The following ZNF799 variants were observed in gnomAD, a reference collection of about 807,000 sequenced individuals.
The protein encoded by ZNF799 is zinc finger protein 14.
ZNF799 carries 28 observed loss-of-function variants against 41.0 expected under a neutral mutation model. The ratio of observed to expected loss-of-function variants is 0.68; its 90% confidence interval spans 0.51 to 0.94. The LOEUF is 0.94. ZNF799 is among the 40% of genes least tolerant of loss of function. The pLI, the probability that ZNF799 is intolerant of heterozygous loss-of-function variation, is 0.00. For synonymous variants in ZNF799, 213 were observed against 252.9 expected (o/e 0.84, Z 1.50); for missense variants, 716 against 764.3 (o/e 0.94, Z 0.74).
chr19:12,390,634 A>C lies in ZNF799; in HGVS notation c.1764T>G (p.Tyr588Ter), dbSNP rs1969793302. Residue 588 changes from tyrosine (Y) to a stop codon, truncating the protein, a stop_gained, in exon 4 of 4, where the codon TAT becomes TAG. Coordinates refer to ENST00000430385, the MANE Select transcript of ZNF799 (RefSeq NM_001080821.3). LOFTEE classifies it high-confidence loss of function. ...ATGCTTTCCCACATTCCTTACATTCATACGGGTTCTCTCCAGTATGAGTTT... is the reference window on the plus strand; with the variant it reads ...ATGCTTTCCCACATTCCTTACATTCCTACGGGTTCTCTCCAGTATGAGTTT... ...HEKTHTGENP[Y>*]ECKECGKAFA... The C allele has an allele frequency of 6.2e-7, 1 of 1,613,822 alleles. No individual in the cohort carries two copies. Among genetic ancestry groups the C allele is most frequent in the South Asian group, 1.1e-5 (1 of 91,068 alleles).
At chr19:12,408,058 A>C in the ZNF799 span, among the ~76,000 whole-genome samples, 1 of 152,116 alleles carries the variant, frequency 6.6e-6, no homozygotes, top group Non-Finnish European at 1.5e-5. Context: ...CGGGAGGCTG[A>C]GGCAGTGGGA....
At chr19:12,394,966 CT>C (rs1173003741) in intron 1 of ZNF799, 24 of 822,732 alleles carry the variant, frequency 2.9e-5, no homozygotes, top group Non-Finnish European at 3.4e-5. Context: ...TTTATTTGTC[CT>C]TGGCCCAATC....
At chr19:12,399,577 TG>T (rs34707911) in intron 1 of ZNF799, among the ~76,000 whole-genome samples, 2,853 of 148,132 alleles carry the variant, frequency 0.019, 139 homozygotes, top group African/African-American at 0.07. Context: ...GGCTGTCCCC[TG>T]GGAGGAGTGA....
Position 12,390,879 on chromosome 19 carries a change from T to C in ZNF799, c.1519A>G (p.Asn507Asp), listed in dbSNP as rs1336486964. Reference protein sequence around the residue: ...THTGEKPYECNTCKKAFSHFG... With the variant: ...THTGEKPYECDTCKKAFSHFG... ...TGACTGAAGGCTTTCTTACATGTGT[T>C]ACACTCATAAGGTTTCTCTCCTGTG... Residue 507 changes from asparagine to aspartate, a missense_variant, in exon 4 of 4, where the codon AAC becomes GAC. Around this residue, in one of 2 missense-constraint regions of ZNF799, gnomAD observed 698 missense variants for 713.6 expected, o/e 0.98. Coordinates refer to ENST00000430385, the MANE Select transcript of ZNF799 (RefSeq NM_001080821.3). 1.5e-5 allele frequency: 25 copies of C among 1,614,004 alleles called. No homozygotes were observed. Among genetic ancestry groups the C allele is most frequent in the Non-Finnish European group, 2.1e-5 (25 of 1,180,002 alleles).
In ZNF799 at chr19:12,401,112, C is replaced by G. The variant is rs755336143; in HGVS notation, c.-42G>C. 6.2e-7 allele frequency: 1 copy of G among 1,613,528 alleles called. No homozygotes were observed. Among genetic ancestry groups the G allele is most frequent in the Non-Finnish European group, 8.5e-7 (1 of 1,179,766 alleles). The stretch of plus-strand genomic sequence containing the variant: ...TGTCCCAGGTCCTCCGGACGGCTCC[C>G]GCTGCCAATGCGGGTTCCCGCGGGA... On this transcript the variant is annotated 5_prime_UTR_variant, in exon 1 of 4. Coordinates refer to ENST00000430385, the MANE Select transcript of ZNF799 (RefSeq NM_001080821.3).
chr19:12,402,062 G>C (rs3979153), upstream of ZNF799, among the ~76,000 whole-genome samples: 150,382 of 152,274 alleles, frequency 0.99, 74,329 homozygotes, highest in Non-Finnish European at 1. Context: ...TTCCCAGCCT[G>C]TGGTAACCAT....
rs1266339679 is a variant in ZNF799, at chr19:12,400,837, C to T, written c.3+231G>A. On this transcript the variant is annotated intron_variant, in intron 1 of 3. Coordinates refer to ENST00000430385, the MANE Select transcript of ZNF799 (RefSeq NM_001080821.3). ...CGCGAGGCTGCGGGCGCGGAGCTGC[C>T]CAGAGAGGGCGCCGGGGCCGCAGTC... 1.4e-4 allele frequency: 94 copies of T among 682,490 alleles called. 2 individuals carry two copies. In the South Asian group the frequency reaches 1.8e-3, roughly 13 times the overall value. The allele number at this position is 682,490 out of a possible 1,614,324, so 42.3% of individuals were successfully genotyped here. A position where few individuals can be genotyped will look rare whatever the true frequency, so the allele number is the denominator to read the frequency against.
intron 1 of ZNF799, chr19:12,395,263 T>A (rs955639095): frequency 1.3e-5 from 2 of 150,194 alleles, no homozygotes; most frequent in African/African-American, 4.9e-5. Context: ...AGCCTCAGCC[T>A]CCTGAGTAGC....
At chr19:12,397,215 G>A (rs994743111) in intron 1 of ZNF799, among the ~76,000 whole-genome samples, 4 of 152,194 alleles carry the variant, frequency 2.6e-5, no homozygotes, top group African/African-American at 9.6e-5. Context: ...AGGTCCATTT[G>A]TTGTGAATGG....
At chr19:12,398,258 CAAAAAAAAAAAAAAA>C in intron 1 of ZNF799, 1 of 75,454 alleles carries the variant, frequency 1.3e-5, no homozygotes, top group Non-Finnish European at 2.9e-5. Context: ...GACGCTGTCT[CAAAAAAAAAAAAAAA>C]AAAAAAAAAT....
chr19:12,394,954 C>T (rs1599606961), intron 1 of ZNF799: 1 of 891,298 alleles, frequency 1.1e-6, no homozygotes, highest in East Asian at 1.2e-4. Context: ...TCTTGTGGAG[C>T]TTTTATTTGT....
chr19:12,390,881 C>T lies in ZNF799; in HGVS notation c.1517G>A (p.Cys506Tyr). Residue 506 changes from cysteine to tyrosine, a missense_variant, in exon 4 of 4, where the codon TGT (cysteine) becomes TAT (tyrosine). Around this residue, in one of 2 missense-constraint regions of ZNF799, gnomAD observed 698 missense variants for 713.6 expected, o/e 0.98. Coordinates refer to ENST00000430385, the MANE Select transcript of ZNF799 (RefSeq NM_001080821.3). ...ACTGAAGGCTTTCTTACATGTGTTA[C>T]ACTCATAAGGTTTCTCTCCTGTGTG... ...RTHTGEKPYE[C>Y]NTCKKAFSHF... 6.2e-7 allele frequency: 1 copy of T among 1,614,070 alleles called. No homozygotes were observed. Among genetic ancestry groups the T allele is most frequent in the Non-Finnish European group, 8.5e-7 (1 of 1,180,006 alleles).
intron 1 of ZNF799, chr19:12,395,038 G>A (rs1163429148): frequency 5.0e-6 from 1 of 201,580 alleles, no homozygotes; most frequent in Admixed American, 6.5e-5. Flanking sequence ...TAGAACCCTG[G>A]ACACTAATTC....
chr19:12,395,273 C>A (rs747993820), intron 1 of ZNF799, among the ~76,000 whole-genome samples: 3 of 151,786 alleles, frequency 2.0e-5, no homozygotes, highest in Non-Finnish European at 4.4e-5. Context: ...TCCTGAGTAG[C>A]TGGGAGTACA....
the ZNF799 span, among the ~76,000 whole-genome samples, chr19:12,407,719 G>A: frequency 6.6e-6 from 1 of 152,088 alleles, no homozygotes; most frequent in African/African-American, 2.4e-5. Context: ...GAATGACAGT[G>A]ATGTTATCTG....
upstream of ZNF799, among the ~76,000 whole-genome samples, chr19:12,401,569 CGAGAGAGAGAGA>C (rs142456121): frequency 5.1e-5 from 4 of 78,434 alleles, no homozygotes; most frequent in Non-Finnish European, 8.9e-5. Context: ...TTTTTTTTTC[CGAGAGAGAGAGA>C]GAGAGAGAGA....
chr19:12,414,166 G>A, the ZNF799 span, among the ~76,000 whole-genome samples: 3 of 151,418 alleles, frequency 2.0e-5, no homozygotes, highest in South Asian at 6.3e-4. Context: ...CAGTTCTCAC[G>A]ACCCCACCCC....
chr19:12,403,189 T>C (rs1241856887), upstream of ZNF799, among the ~76,000 whole-genome samples: 1 of 152,182 alleles, frequency 6.6e-6, no homozygotes, highest in Non-Finnish European at 1.5e-5. Flanking sequence ...AATTTATCAA[T>C]TTCTTCTAGG....
At chr19:12,397,722 C>A (rs567974211) in intron 1 of ZNF799, among the ~76,000 whole-genome samples, 541 of 150,652 alleles carry the variant, frequency 3.6e-3, no homozygotes, top group Non-Finnish European at 5.5e-3. Flanking sequence ...AAATGTAAAA[C>A]AATTATATAT....
Sources: allele counts gnomAD v4.1 joint callset (sites outside exome capture counted in the v4.1 genomes callset), GRCh38; gene constraint gnomAD v4.1.1; regional missense constraint gnomAD v4.1.1; transcripts MANE v1.5; gene names NCBI Gene and HGNC (gene_info 2026-07-23, HGNC 2026-07-21).